The following ZFP64 variants were observed in gnomAD, a reference collection of about 807,000 sequenced individuals.
ZFP64 encodes the protein zinc finger protein 64.
ZFP64 carries 14 observed loss-of-function variants against 51.6 expected under a neutral mutation model. The ratio of observed to expected loss-of-function variants is 0.27; its 90% CI spans 0.18 to 0.42. ZFP64 has a LOEUF of 0.42. Ranked by LOEUF, ZFP64 falls within the 10% of genes least tolerant of loss-of-function variation. The probability of loss-of-function intolerance (pLI) is 1.00; values close to 1 mark genes in which losing one functional copy is unlikely to be tolerated. For synonymous variants in ZFP64, 375 were observed against 361.4 expected (o/e 1.04, Z -0.43); for missense variants, 754 against 906.8 (o/e 0.83, Z 2.16).
intron 5 of ZFP64, among the ~76,000 whole-genome samples, chr20:52,103,536 C>T (rs899844291): frequency 7.9e-5 from 12 of 152,206 alleles, no homozygotes; most frequent in Non-Finnish European, 1.8e-4. Flanking sequence ...CTCCCCATGC[C>T]CGAAACACTG....
At chr20:52,098,005 G>A (rs1445217813) in intron 6 of ZFP64, among the ~76,000 whole-genome samples, 1 of 151,992 alleles carries the variant, frequency 6.6e-6, no homozygotes, top group Non-Finnish European at 1.5e-5. Flanking sequence ...TGAGTTGGAG[G>A]CTGCAGTGAG....
In ZFP64 at chr20:52,088,951, G is replaced by A. The variant is rs771208936; in HGVS notation, c.977-308C>T. The A allele has an allele frequency of 8.9e-6, 5 of 561,176 alleles. No individual in the cohort carries two copies. The East Asian group carries it at 1.8e-4, about 20-fold the overall frequency. 34.8% of individuals were successfully genotyped at this position (561,176 alleles called of 1,614,324 possible). ...CTCAGGATAAGAAGTGGCAGCTGTA[G>A]GGATCTTGGGCAGCTTCATGAACCA... On this transcript the variant is annotated intron_variant, in intron 7 of 8. Transcript: ENST00000361387.
chr20:52,142,690 A>AAAT, intron 5 of ZFP64, among the ~76,000 whole-genome samples: 1 of 146,876 alleles, frequency 6.8e-6, no homozygotes, highest in Non-Finnish European at 1.5e-5. Context: ...AAATATAAAA[A>AAAT]TTAGCTGGGT....
chr20:52,187,072 C>T lies in ZFP64; in HGVS notation c.47-1G>A, dbSNP rs1984026116. Reference sequence around the variant, plus strand: ...ACCAGCACCGTTGTGCCACCTGGAACTCCATGGGACAAAGGGAAAGTAACG... The same window carrying T: ...ACCAGCACCGTTGTGCCACCTGGAATTCCATGGGACAAAGGGAAAGTAACG... On this transcript the variant is annotated splice_acceptor_variant, in intron 1 of 5. Coordinates refer to ENST00000216923, the MANE Select transcript of ZFP64 (RefSeq NM_018197.3). LOFTEE classifies it high-confidence loss of function. 1 of 1,601,282 alleles carries T rather than the reference C, an allele frequency of 6.2e-7. No individual in the cohort carries two copies. Among genetic ancestry groups the T allele is most frequent in the Admixed American group, 1.7e-5 (1 of 59,810 alleles).
chr20:52,160,205 G>A lies in ZFP64; in HGVS notation c.681C>T (p.Asp227=), dbSNP rs199865929. ...AGATCTGGCATTTGAAGGGCCGCTC[G>A]TCCGAGTGGATCCTCAGGTGCTTGT... ...SLNKHLRIHS[D]ERPFKCQICP... is the part of the protein sequence containing the mutation. The change falls in exon 5 of 6, where the codon GAC becomes GAT. Residue 227 remains aspartate, a synonymous_variant. Transcript: ENST00000216923. This position sits in a 1 kb window ranked among gnomAD's most constrained non-coding sequence, Gnocchi z 4.2. The A allele has an allele frequency of 6.7e-5, 108 of 1,614,048 alleles. No homozygotes were observed. Among genetic ancestry groups the A allele is most frequent in the African/African-American group, 9.3e-5 (7 of 74,922 alleles).
At chr20:52,125,074 T>C (rs1244094039) in intron 5 of ZFP64, among the ~76,000 whole-genome samples, 1 of 152,212 alleles carries the variant, frequency 6.6e-6, no homozygotes, top group Non-Finnish European at 1.5e-5. Context: ...TCTAAGCTAG[T>C]GTCCTTTACA....
chr20:52,124,206 A>AG, intron 5 of ZFP64, among the ~76,000 whole-genome samples: 1 of 151,874 alleles, frequency 6.6e-6, no homozygotes, highest in Non-Finnish European at 1.5e-5. Flanking sequence ...AAAAAAAAAA[A>AG]AAAAGTCAGA....
At position 52,151,968 on chromosome 20, in the gene ZFP64, C is replaced by T. The variant is rs985386388; in HGVS notation, c.*178G>A. Reference sequence around the variant, plus strand: ...ATGAGAATCGCTTGAACCTGGGAGGCGGACGTTGCAGTGAGCCAAGATAGC... The same window carrying T: ...ATGAGAATCGCTTGAACCTGGGAGGTGGACGTTGCAGTGAGCCAAGATAGC... On this transcript the variant is annotated 3_prime_UTR_variant, in exon 6 of 6. Transcript: ENST00000216923. The T allele has an allele frequency of 8.3e-6, 11 of 1,328,680 alleles. No individual in the cohort carries two copies. Among genetic ancestry groups the T allele is most frequent in the Non-Finnish European group, 2.0e-6 (2 of 1,009,754 alleles). The allele number at this position is 1,328,680 out of a possible 1,614,324, so 82.3% of individuals were successfully genotyped here.
intron 2 of ZFP64, among the ~76,000 whole-genome samples, chr20:52,180,065 C>T (rs780675237): frequency 5.3e-5 from 8 of 152,172 alleles, no homozygotes; most frequent in Non-Finnish European, 1.0e-4. Context: ...TTGCCCACCA[C>T]GGTCAGAGTG....
At chr20:52,092,377 G>GC (rs1359741718) in intron 7 of ZFP64, among the ~76,000 whole-genome samples, 1 of 152,084 alleles carries the variant, frequency 6.6e-6, no homozygotes, top group Non-Finnish European at 1.5e-5. Flanking sequence ...TCCCTTGGGG[G>GC]GTGAAATCAT....
intron 5 of ZFP64, among the ~76,000 whole-genome samples, chr20:52,112,090 A>AAC (rs888073669): frequency 4.3e-5 from 6 of 138,228 alleles, no homozygotes; most frequent in African/African-American, 1.6e-4. Context: ...TCCAAAAAAA[A>AAC]AAAAAAAAAA....
At chr20:52,174,125 G>C (rs1052851052) in intron 2 of ZFP64, among the ~76,000 whole-genome samples, 1 of 152,152 alleles carries the variant, frequency 6.6e-6, no homozygotes, top group Non-Finnish European at 1.5e-5. Flanking sequence ...AGGTGAAGGG[G>C]AGGAGCTCAA....
intron 5 of ZFP64, among the ~76,000 whole-genome samples, chr20:52,113,032 G>T (rs987741506): frequency 6.6e-6 from 1 of 152,110 alleles, no homozygotes; most frequent in African/African-American, 2.4e-5. Flanking sequence ...ATTCCCCAAA[G>T]AGGTATAAAA....
chr20:52,104,457 C>G (rs2079088119), intron 5 of ZFP64, among the ~76,000 whole-genome samples: 3 of 152,200 alleles, frequency 2.0e-5, no homozygotes, highest in Non-Finnish European at 4.4e-5. Context: ...CATCACTGCT[C>G]TATCCCCACC....
intron 5 of ZFP64, among the ~76,000 whole-genome samples, chr20:52,103,663 C>G (rs1370499915): frequency 6.6e-6 from 1 of 152,180 alleles, no homozygotes; most frequent in Non-Finnish European, 1.5e-5. Flanking sequence ...TAAACACCTC[C>G]CCCAAAAGAC....
At chr20:52,131,830 A>G (rs1443842668) in intron 5 of ZFP64, among the ~76,000 whole-genome samples, 1 of 152,200 alleles carries the variant, frequency 6.6e-6, no homozygotes, top group East Asian at 1.9e-4. Context: ...GAAAATCAAC[A>G]AAGAAACATC....
chr20:52,117,081 GCACACACA>G (rs74600972), intron 5 of ZFP64, among the ~76,000 whole-genome samples: 2 of 150,680 alleles, frequency 1.3e-5, no homozygotes, highest in African/African-American at 4.9e-5. Flanking sequence ...ACACACACAC[GCACACACA>G]CACACACAAA....
chr20:52,108,221 T>G (rs1409719671), intron 5 of ZFP64, among the ~76,000 whole-genome samples: 2 of 152,114 alleles, frequency 1.3e-5, no homozygotes, highest in Non-Finnish European at 2.9e-5. Context: ...GAACCTGTCT[T>G]GAAAACAAAC....
At chr20:52,167,542 CCTT>C (rs1391197747) in intron 2 of ZFP64, among the ~76,000 whole-genome samples, 4 of 143,412 alleles carry the variant, frequency 2.8e-5, no homozygotes, top group African/African-American at 5.2e-5. Context: ...TCCCCTCCCT[CCTT>C]CTCCTCTTCC....
Sources: allele counts gnomAD v4.1 joint callset (sites outside exome capture counted in the v4.1 genomes callset), GRCh38; gene constraint gnomAD v4.1.1; non-coding constraint Gnocchi (gnomAD v3.1); transcripts MANE v1.5; gene names NCBI Gene and HGNC (gene_info 2026-07-23, HGNC 2026-07-21).